ALG3: variants seen among roughly 807,000 people sequenced by gnomAD.
ALG3 encodes dol-P-Man:Man(5)GlcNAc(2)-PP-Dol alpha-1,3-mannosyltransferase.
A neutral mutation model predicts 50.5 loss-of-function variants in ALG3; 39 were observed. The observed-to-expected ratio is 0.77, with a 90% confidence interval of 0.60 to 1.01. ALG3 has a LOEUF of 1.01. ALG3 is among the 50% of genes least tolerant of loss of function. The pLI is 0.00. For synonymous variants in ALG3, 252 were observed against 237.2 expected (o/e 1.06, Z -0.58); for missense variants, 520 against 554.8 (o/e 0.94, Z 0.63).
rs749775988 is a variant in ALG3 at position 184,242,468 on chromosome 3, CCAGGTCCTGAGGGTAGACT to C, written c.*27_*45del. ...TTGGAAGGGCAGAGTCCAACCAACC[CCAGGTCCTGAGGGTAGACT>C]CAGGTCCTGAGGGAAAGGGGTGGAC... On this transcript the variant is annotated 3_prime_UTR_variant, in exon 9 of 9. Coordinates refer to ENST00000397676, the MANE Select transcript of ALG3 (RefSeq NM_005787.6). 16 of 1,594,658 alleles carry C rather than the reference CCAGGTCCTGAGGGTAGACT, an allele frequency of 1.0e-5. No individual in the cohort carries two copies. Among genetic ancestry groups the C allele is most frequent in the East Asian group, 2.3e-5 (1 of 44,368 alleles).
chr3:184,244,451 A>G, intron 5 of ALG3, 150 bp downstream of exon 5: 1 of 970,564 alleles, frequency 1.0e-6, no homozygotes, highest in Non-Finnish European at 1.5e-6. Flanking sequence ...ACAGCTATGG[A>G]AACTACAGCC....
At position 184,243,867 on chromosome 3, in the gene ALG3, G is replaced by C; in HGVS notation, c.856C>G (p.His286Asp). 1 of 1,614,058 alleles carries C rather than the reference G, an allele frequency of 6.2e-7. No homozygotes were observed. Among genetic ancestry groups the C allele is most frequent in the African/African-American group, 1.3e-5 (1 of 75,068 alleles). The change falls in exon 6 of 9, where the codon CAT becomes GAT. Residue 286 changes from histidine to aspartate, a missense_variant. By Grantham distance (81) the His-to-Asp change is moderately conservative. Coordinates refer to ENST00000397676, the MANE Select transcript of ALG3 (RefSeq NM_005787.6). ...WRFLPEALFL[H>D]RAFHLALLTA... ...AACAGGGCCAGGTGGAAGGCTCGAT[G>C]CAGGAAGAGCGCCTCTGGGAGGAAG...
At chr3:184,248,680 G>GCCGT in intron 1 of ALG3, 65 bp downstream of exon 1, 1 of 1,424,612 alleles carries the variant, frequency 7.0e-7, no homozygotes, top group Non-Finnish European at 9.5e-7. Context: ...CCAGGTCTGA[G>GCCGT]ATCCAGTTTG....
chr3:184,248,833 C>T lies in ALG3; in HGVS notation c.108G>A (p.Leu36=), dbSNP rs1052454056. Residue 36 remains leucine, a synonymous_variant, in exon 1 of 9, where the codon CTG becomes CTA. Coordinates refer to ENST00000397676, the MANE Select transcript of ALG3 (RefSeq NM_005787.6). The stretch of plus-strand genomic sequence containing the variant: ...CCAGCAGCGTGTAGCGCGGCTCCCG[C>T]AGCAGCAGGCGCCGCTCTTGCCAGG... The part of the protein sequence containing the change: ...QRAWQERRLL[L]REPRYTLLVA... 9.3e-6 allele frequency: 15 copies of T among 1,608,420 alleles called. No homozygotes were observed. The highest frequency in any genetic ancestry group is 1.2e-5 in the Non-Finnish European group (14 of 1,177,650).
In ALG3 at chr3:184,243,895, C is replaced by G. The variant is rs1160875710; in HGVS notation, c.828G>C (p.Trp276Cys). The part of the protein sequence containing the change: ...RQFLFHWTVN[W>C]RFLPEALFLH... ...GGAAGAGCGCCTCTGGGAGGAAGCG[C>G]CAGTTCACTGTCCAGTGGAACAGAA... Residue 276 changes from tryptophan (W) to cysteine (C), a missense_variant, in exon 6 of 9, where the codon TGG (tryptophan) becomes TGC (cysteine). Trp to Cys is a radical substitution (Grantham distance 215). This residue lies in a region of ALG3 where 224 missense variants were observed against 272.8 expected (regional missense o/e 0.82). Transcript: ENST00000397676. 6.2e-7 allele frequency: 1 copy of G among 1,613,926 alleles called. No individual in the cohort carries two copies. Among genetic ancestry groups the G allele is most frequent in the South Asian group, 1.1e-5 (1 of 91,080 alleles).
In ALG3 at chr3:184,244,925, T is replaced by C. The variant is rs1719046684; in HGVS notation, c.606-204A>G. 13 of 744,768 alleles carry C rather than the reference T, an allele frequency of 1.7e-5. 1 individual carries two copies. The South Asian group carries it at 2.3e-4, about 13-fold the overall frequency. The allele number at this position is 744,768 out of a possible 1,614,324, so 46.1% of individuals were successfully genotyped here. A position where few individuals can be genotyped will look rare whatever the true frequency, so the allele number is the denominator to read the frequency against. On this transcript the variant is annotated intron_variant, in intron 4 of 8. Coordinates refer to ENST00000397676, the MANE Select transcript of ALG3 (RefSeq NM_005787.6). ...GCAGATACATAGTCTCTATGCCTAC[T>C]AGATGCGAATGAGCATATACTGAGT... is the stretch of plus-strand genomic sequence containing the variant.
In ALG3 at chr3:184,248,913, G is replaced by C. The variant is rs563516937; in HGVS notation, c.28C>G (p.Arg10Gly). Residue 10 changes from arginine (R) to glycine (G), a missense_variant, in exon 1 of 9, where the codon CGG (arginine) becomes GGG (glycine). Physicochemically the swap from Arg to Gly is moderately radical, Grantham distance 125. This residue lies in a region of ALG3 where 290 missense variants were observed against 265.9 expected (regional missense o/e 1.09). Coordinates refer to ENST00000397676, the MANE Select transcript of ALG3 (RefSeq NM_005787.6). ...TCTGCCTGGGCCGCGGAACCGGACC[G>C]GCCGCGTTTCCGCAGCCCAGCCGCC... Reference protein sequence around the residue: MAAGLRKRGRSGSAAQAEGL... With the variant: MAAGLRKRGGSGSAAQAEGL... The C allele has an allele frequency of 8.2e-6, 13 of 1,592,542 alleles. No individual in the cohort carries two copies. Among genetic ancestry groups the C allele is most frequent in the South Asian group, 1.1e-5 (1 of 89,466 alleles).
At chr3:184,245,867 C>G in intron 1 of ALG3, 55 bp from the exon 2 acceptor site, 2 of 1,340,820 alleles carry the variant, frequency 1.5e-6, no homozygotes, top group Non-Finnish European at 2.1e-6. Flanking sequence ...TGTCTGCCAC[C>G]CTCCCCATGC....
At chr3:184,243,726 C>T in intron 6 of ALG3, 65 bp downstream of exon 6, 1 of 1,593,576 alleles carries the variant, frequency 6.3e-7, no homozygotes, top group African/African-American at 1.3e-5. Context: ...CCCAAGCAGC[C>T]CCTAAGGCTT....
At chr3:184,247,129 C>G (rs543143264) in intron 1 of ALG3, among the ~76,000 whole-genome samples, 4 of 151,656 alleles carry the variant, frequency 2.6e-5, no homozygotes, top group Non-Finnish European at 4.4e-5. Context: ...GTGTTGAACT[C>G]CTGACCTCAG....
upstream of ALG3, chr3:184,249,096 T>C: frequency 6.8e-7 from 1 of 1,468,076 alleles, no homozygotes. Flanking sequence ...TTTTCTGCAT[T>C]TGTCTCCTCT....
At chr3:184,248,723 C>T in intron 1 of ALG3, 22 bp downstream of exon 1, 1 of 1,489,796 alleles carries the variant, frequency 6.7e-7, no homozygotes, top group Non-Finnish European at 9.1e-7. Context: ...CCCTCCCCTC[C>T]CCTCCCCCTC....
intron 1 of ALG3, among the ~76,000 whole-genome samples, chr3:184,247,994 C>T (rs1376878620): frequency 6.6e-6 from 1 of 151,452 alleles, no homozygotes; most frequent in African/African-American, 2.4e-5. Context: ...TACAGGCGCC[C>T]GCCACCATGC....
chr3:184,245,447 G>A lies in ALG3; in HGVS notation c.444+21C>T, dbSNP rs1453192347. On this transcript the variant is annotated intron_variant, in intron 3 of 8. Transcript: ENST00000397676. ...AGCCCTCCCAGGCTGGGGCCCTCTAGCCCTGGTAGCATGGACTCACCTTGC... is the reference window on the plus strand; with the variant it reads ...AGCCCTCCCAGGCTGGGGCCCTCTAACCCTGGTAGCATGGACTCACCTTGC... The A allele has an allele frequency of 2.5e-6, 4 of 1,613,536 alleles. No individual in the cohort carries two copies. In the African/African-American group the frequency reaches 4.0e-5, roughly 16 times the overall value.
At chr3:184,244,870 T>C in intron 4 of ALG3, 149 bp from the exon 5 acceptor site, 3 of 1,179,476 alleles carry the variant, frequency 2.5e-6, no homozygotes, top group East Asian at 2.6e-5. Context: ...CTCACAACTG[T>C]TGGAGGGAAG....
chr3:184,242,809 G>T lies in ALG3; in HGVS notation c.1154+4C>A, dbSNP rs746142168. 1 of 1,613,758 alleles carries T rather than the reference G, an allele frequency of 6.2e-7. No individual in the cohort carries two copies. The highest frequency in any genetic ancestry group is 8.5e-7 in the Non-Finnish European group (1 of 1,179,756). ...CCACTCCCCCAGGTTGTCCCAGCTG[G>T]TACCTGAGCAGGTGTGTGAGCCAGC... On this transcript the variant is annotated splice_donor_region_variant and intron_variant, in intron 8 of 8. Coordinates refer to ENST00000397676, the MANE Select transcript of ALG3 (RefSeq NM_005787.6).
chr3:184,245,349 A>C lies in ALG3; in HGVS notation c.454T>G (p.Phe152Val), dbSNP rs377358107. The C allele has an allele frequency of 1.9e-6, 3 of 1,612,550 alleles. No homozygotes were observed. The highest frequency in any genetic ancestry group is 1.3e-5 in the African/African-American group (1 of 74,878). Reference protein sequence around the residue: ...IYHQTCKVPPFVFFFMCCASY... With the variant: ...IYHQTCKVPPVVFFFMCCASY... ...GCGCAGCACATGAAGAAAAAGACGA[A>C]GGGAGGTACCTAAAGGGAAAACACA... Residue 152 changes from phenylalanine (F) to valine (V), a missense_variant, in exon 4 of 9, where the codon TTC becomes GTC. Coordinates refer to ENST00000397676, the MANE Select transcript of ALG3 (RefSeq NM_005787.6).
At chr3:184,248,232 A>G (rs1719282711) in intron 1 of ALG3, among the ~76,000 whole-genome samples, 1 of 152,128 alleles carries the variant, frequency 6.6e-6, no homozygotes, top group African/African-American at 2.4e-5. Flanking sequence ...CACTAAATAA[A>G]TATTTGTTGA....
At chr3:184,243,739 G>A (rs1718966806) in intron 6 of ALG3, 52 bp downstream of exon 6, 8 of 1,593,670 alleles carry the variant, frequency 5.0e-6, no homozygotes, top group Non-Finnish European at 6.0e-6. Context: ...TAAGGCTTAG[G>A]CCCTTCACTC....
Sources: allele counts gnomAD v4.1 joint callset (sites outside exome capture counted in the v4.1 genomes callset), GRCh38; gene constraint gnomAD v4.1.1; regional missense constraint gnomAD v4.1.1; transcripts MANE v1.5; gene names NCBI Gene and HGNC (gene_info 2026-07-23, HGNC 2026-07-21).